IST1: variants seen among roughly 807,000 people sequenced by gnomAD.
IST1 encodes the protein IST1 homolog.
Under a neutral mutation model 37.0 loss-of-function variants are expected in IST1, and 23 were observed. That is an observed-to-expected ratio of 0.62 (90% CI 0.45 to 0.88). IST1 has a LOEUF of 0.88. Ranked by LOEUF, IST1 falls within the 40% of genes least tolerant of loss-of-function variation. IST1 has a pLI of 0.00. For missense variants in IST1, 488 were observed against 445.4 expected, an observed-to-expected ratio of 1.10 and a Z score of -0.86; for synonymous variants, 180 against 161.7, an observed-to-expected ratio of 1.11 and a Z score of -0.86.
At chr16:71,906,565 C>G (rs1376079178) in intron 1 of IST1, among the ~76,000 whole-genome samples, 3 of 151,990 alleles carry the variant, frequency 2.0e-5, no homozygotes, top group Non-Finnish European at 2.9e-5. Flanking sequence ...TCCCACCTGA[C>G]TTGGCCTCCC....
At chr16:71,913,385 T>C (rs540110427) in intron 1 of IST1, among the ~76,000 whole-genome samples, 2 of 152,344 alleles carry the variant, frequency 1.3e-5, no homozygotes, top group Admixed American at 1.3e-4. Context: ...TTTGATATGC[T>C]TATTGACCAC....
intron 8 of IST1, among the ~76,000 whole-genome samples, chr16:71,923,904 G>T (rs527468671): frequency 5.9e-5 from 9 of 152,030 alleles, no homozygotes; most frequent in African/African-American, 2.2e-4. Context: ...ACTGTAGGTG[G>T]TTCAGGTTAC....
At chr16:71,903,118 C>T (rs931631116) in intron 1 of IST1, 1 of 152,074 alleles carries the variant, frequency 6.6e-6, no homozygotes, top group Non-Finnish European at 1.5e-5. Context: ...AGCTGGGACT[C>T]CAGGTGTGTG....
chr16:71,913,045 A>G (rs1323658002), intron 1 of IST1, among the ~76,000 whole-genome samples: 1 of 152,176 alleles, frequency 6.6e-6, no homozygotes, highest in Non-Finnish European at 1.5e-5. Flanking sequence ...GCCATTGTGA[A>G]TAATGCTGCT....
rs1235052282 is a variant in IST1, at chr16:71,929,531, A to C, written c.*1718A>C. On this transcript the variant is annotated 3_prime_UTR_variant, in exon 10 of 10. Transcript: ENST00000378799. ...ATAAATACTAAGCCAAGTAGGAGAT[A>C]ACAGGATTAAGGTAGTTCATCTAAA... 7 of 1,546,666 alleles carry C rather than the reference A, an allele frequency of 4.5e-6. No homozygotes were observed. Among genetic ancestry groups the C allele is most frequent in the Non-Finnish European group, 6.1e-6 (7 of 1,145,690 alleles).
rs755320394 is a variant in IST1, at chr16:71,924,754, A to T, written c.853-15A>T. 6.3e-7 allele frequency: 1 copy of T among 1,598,238 alleles called. No individual in the cohort carries two copies. Among genetic ancestry groups the T allele is most frequent in the African/African-American group, 1.3e-5 (1 of 74,614 alleles). ...ACTATTGCTGTCTCCTCTGGTAACA[A>T]TCTTTGTGTTTCAGGTAGATGACAT... On this transcript the variant is annotated splice_polypyrimidine_tract_variant and intron_variant, in intron 8 of 9. Coordinates refer to ENST00000378799, the MANE Select transcript of IST1 (RefSeq NM_001270975.2).
upstream of IST1, chr16:71,894,578 T>G (rs934630763): frequency 3.2e-5 from 12 of 371,994 alleles, no homozygotes; most frequent in Non-Finnish European, 5.9e-5. Context: ...TAGGCTGGAG[T>G]GCTGTGACGT....
In IST1 at chr16:71,921,336, C is replaced by T. The variant is rs201438899; in HGVS notation, c.442-7C>T. On this transcript the variant is annotated splice_region_variant and splice_polypyrimidine_tract_variant and intron_variant, in intron 5 of 9. Coordinates refer to ENST00000378799, the MANE Select transcript of IST1 (RefSeq NM_001270975.2). The stretch of plus-strand genomic sequence containing the variant: ...TGCATCTTAGCCCTGGGTCTTTTTA[C>T]TTACAGCTAATGCACAAGCTGAGTG... 5.2e-5 allele frequency: 83 copies of T among 1,587,634 alleles called. 1 individual carries two copies. The East Asian group carries it at 1.7e-3, about 32-fold the overall frequency.
chr16:71,901,252 C>T (rs935791766), intron 1 of IST1, among the ~76,000 whole-genome samples: 11 of 151,776 alleles, frequency 7.2e-5, no homozygotes, highest in Non-Finnish European at 1.3e-4. Flanking sequence ...CTTGCTCTGT[C>T]GCCCAGGCTG....
intron 9 of IST1, among the ~76,000 whole-genome samples, chr16:71,925,810 C>G (rs543273317): frequency 7.2e-4 from 109 of 152,210 alleles, no homozygotes; most frequent in African/African-American, 2.5e-3. Context: ...AAAAACCCAT[C>G]TGAGCTTGGT....
intron 1 of IST1, among the ~76,000 whole-genome samples, chr16:71,902,562 G>C (rs567875120): frequency 5.3e-5 from 8 of 152,134 alleles, no homozygotes; most frequent in African/African-American, 1.9e-4. Context: ...AAGCCACCGC[G>C]CCCAGCCTAG....
chr16:71,914,502 A>G (rs1339909336), intron 1 of IST1, among the ~76,000 whole-genome samples: 2 of 152,150 alleles, frequency 1.3e-5, no homozygotes, highest in Non-Finnish European at 2.9e-5. Context: ...CATCAAGCCA[A>G]TGTCTCACAT....
chr16:71,924,788 A>C lies in IST1; in HGVS notation c.872A>C (p.Asp291Ala). ...TTTCAGGTAGATGACATTAATGCTGATAAGAATATCTCTTCTGCACAGATT... is the reference window on the plus strand; with the variant it reads ...TTTCAGGTAGATGACATTAATGCTGCTAAGAATATCTCTTCTGCACAGATT... ...SYESVDDINA[D>A]KNISSAQIVG... The change falls in exon 9 of 10, where the codon GAT becomes GCT. Residue 291 changes from aspartate (D) to alanine (A), a missense_variant. Asp to Ala is a moderately radical substitution (Grantham distance 126). This residue lies in a region of IST1 where 455 missense variants were observed against 386.2 expected (regional missense o/e 1.18). Coordinates refer to ENST00000378799, the MANE Select transcript of IST1 (RefSeq NM_001270975.2). 6.2e-7 allele frequency: 1 copy of C among 1,610,430 alleles called. No individual in the cohort carries two copies. Among genetic ancestry groups the C allele is most frequent in the Non-Finnish European group, 8.5e-7 (1 of 1,176,608 alleles).
rs375613736 is a variant in IST1 at position 71,926,090 on chromosome 16, T to G, written c.901+1273T>G. Among the ~76,000 whole-genome samples, 375 of 152,206 alleles carry G rather than the reference T, an allele frequency of 2.5e-3. 1 individual carries two copies. The highest frequency in any genetic ancestry group is 4.3e-3 in the Non-Finnish European group (293 of 68,018). ...TGAGGTCAGGTGTTCAAGACCAGGC[T>G]GGTCAACATGGTGAAACCCTGTCTC... On this transcript the variant is annotated intron_variant, in intron 9 of 9. Transcript: ENST00000378799.
At chr16:71,894,718 T>G (rs1027186891), upstream of IST1, 2 of 567,510 alleles carry the variant, frequency 3.5e-6, no homozygotes, top group African/African-American at 2.0e-5. Flanking sequence ...TTTTTTTTTG[T>G]AGCGATGCGG....
At position 71,923,354 on chromosome 16, in the gene IST1, C is replaced by T. The variant is rs1567473638; in HGVS notation, c.826C>T (p.Pro276Ser). Residue 276 changes from proline to serine, a missense_variant, in exon 8 of 10, where the codon CCA becomes TCA. Coordinates refer to ENST00000378799, the MANE Select transcript of IST1 (RefSeq NM_001270975.2). ...AFPNIHPPQI[P>S]ATPPSYESVD... ...TCCCAATATTCATCCACCTCAGATA[C>T]CAGCAACTCCCCCATCGTATGAATC... 1 of 1,609,060 alleles carries T rather than the reference C, an allele frequency of 6.2e-7. No homozygotes were observed. Among genetic ancestry groups the T allele is most frequent in the Non-Finnish European group, 8.5e-7 (1 of 1,175,630 alleles).
intron 1 of IST1, among the ~76,000 whole-genome samples, chr16:71,904,138 T>C (rs932421163): frequency 6.6e-6 from 1 of 152,182 alleles, no homozygotes; most frequent in Non-Finnish European, 1.5e-5. Context: ...GTGGTGGTTG[T>C]TTTGAGACGG....
chr16:71,921,489 TGTAG>T (rs1340954425), intron 6 of IST1, 36 bp downstream of exon 6: 1 of 1,311,962 alleles, frequency 7.6e-7, no homozygotes, highest in Non-Finnish European at 1.1e-6. Flanking sequence ...AAAATGAGTT[TGTAG>T]GTATGACCTT....
chr16:71,900,967 A>G (rs1306199905), intron 1 of IST1, among the ~76,000 whole-genome samples: 1 of 152,234 alleles, frequency 6.6e-6, no homozygotes, highest in Non-Finnish European at 1.5e-5. Flanking sequence ...AATCACAAAA[A>G]GAATTTTAGA....
Sources: gnomAD v4.1 joint callset for allele counts (sites outside exome capture counted in the v4.1 genomes callset) on GRCh38, gnomAD v4.1.1 for gene constraint, gnomAD v4.1.1 regional missense constraint, MANE v1.5 for transcripts, NCBI Gene and HGNC (gene_info 2026-07-23, HGNC 2026-07-21) for gene names.